The following RFX8 variants were observed in gnomAD, a reference collection of about 807,000 sequenced individuals.
RFX8 encodes the protein DNA-binding protein RFX8.
In RFX8, 46 loss-of-function variants were observed where a neutral mutation model predicts 54.6. The ratio of observed to expected loss-of-function variants is 0.84; its 90% CI spans 0.67 to 1.08. The LOEUF is 1.08. Among genes scored for constraint, RFX8 ranks in the 50% least tolerant of loss-of-function variants. The pLI, the probability that RFX8 is intolerant of heterozygous loss-of-function variation, is 0.00. For synonymous variants in RFX8, 192 were observed against 209.5 expected, an observed-to-expected ratio of 0.92 and a Z score of 0.72; for missense variants, 536 against 562.3, an observed-to-expected ratio of 0.95 and a Z score of 0.47.
chr2:101,443,928 T>C (rs941786355), intron 2 of RFX8, among the ~76,000 whole-genome samples: 6 of 152,042 alleles, frequency 3.9e-5, no homozygotes, highest in Admixed American at 1.3e-4. Flanking sequence ...CCACGCTCCA[T>C]ACACCCACAC....
intron 2 of RFX8, among the ~76,000 whole-genome samples, chr2:101,462,994 A>G (rs1347136144): frequency 6.6e-6 from 1 of 152,198 alleles, no homozygotes; most frequent in Non-Finnish European, 1.5e-5. Flanking sequence ...TGGCCCAAAG[A>G]GGAGACAAAA....
chr2:101,431,486 T>C (rs1687486897), intron 2 of RFX8, among the ~76,000 whole-genome samples: 1 of 152,232 alleles, frequency 6.6e-6, no homozygotes, highest in African/African-American at 2.4e-5. Context: ...CTGGTTGGTG[T>C]TCATCACATC....
At chr2:101,447,792 C>T (rs4851445) in intron 2 of RFX8, among the ~76,000 whole-genome samples, 115,156 of 152,118 alleles carry the variant, frequency 0.76, 44,528 homozygotes, top group Middle Eastern at 0.88. Flanking sequence ...CCTCTGGTAA[C>T]CACTATTCTA....
At chr2:101,417,715 C>A in intron 5 of RFX8, 31 bp from the exon 6 acceptor site, 1 of 1,526,476 alleles carries the variant, frequency 6.6e-7, no homozygotes. Context: ...CACTATGATT[C>A]TGCTGATGGT....
At chr2:101,439,036 C>T (rs1056377850) in intron 2 of RFX8, among the ~76,000 whole-genome samples, 1 of 152,188 alleles carries the variant, frequency 6.6e-6, no homozygotes. Context: ...TGGTCTTGAA[C>T]TCCTGACCTC....
rs549298220 is a variant in RFX8, at chr2:101,418,328, A to T, written c.351+523T>A. Among the ~76,000 whole-genome samples the T allele has an allele frequency of 2.6e-5, 4 of 152,332 alleles. 1 individual carries two copies. The highest frequency in any genetic ancestry group is 3.9e-4 in the East Asian group (2 of 5,186). On this transcript the variant is annotated intron_variant, in intron 5 of 11. Transcript: ENST00000428343. ...TCTAGTTTTCAAACTTTGTGTTAAA[A>T]ACTTGGAAGTACTAGATGGTTTCCT...
intron 9 of RFX8, among the ~76,000 whole-genome samples, chr2:101,409,347 C>T (rs1454933432): frequency 6.6e-6 from 1 of 152,056 alleles, no homozygotes; most frequent in African/African-American, 2.4e-5. Flanking sequence ...CTCAGCCTCC[C>T]GAGTAGCTGG....
At chr2:101,397,908 G>A (rs1449823816) in intron 11 of RFX8, among the ~76,000 whole-genome samples, 184 bp from the exon 12 acceptor site, 2 of 152,032 alleles carry the variant, frequency 1.3e-5, no homozygotes, top group Non-Finnish European at 2.9e-5. Context: ...ACCCAGGCTG[G>A]AGTGCCATGG....
intron 2 of RFX8, among the ~76,000 whole-genome samples, chr2:101,461,840 C>T (rs1689299390): frequency 6.6e-6 from 1 of 152,046 alleles, no homozygotes; most frequent in South Asian, 2.1e-4. Context: ...ATACACATGA[C>T]CAAAGCGCAC....
At chr2:101,474,463 C>T (rs1254929605) in intron 1 of RFX8, 173 bp downstream of exon 1, 1 of 354,314 alleles carries the variant, frequency 2.8e-6, no homozygotes, top group Non-Finnish European at 5.0e-6. Flanking sequence ...GGAAGGCGCG[C>T]GGCGAGTACG....
chr2:101,444,966 A>G (rs1305344626), intron 2 of RFX8, among the ~76,000 whole-genome samples: 1 of 152,218 alleles, frequency 6.6e-6, no homozygotes, highest in Non-Finnish European at 1.5e-5. Context: ...CCTGCCTAAG[A>G]TCACACAGCT....
At chr2:101,402,833 T>TG in intron 10 of RFX8, 81 bp from the exon 11 acceptor site, 2 of 1,276,368 alleles carry the variant, frequency 1.6e-6, no homozygotes, top group Admixed American at 4.5e-5. Context: ...ACAACTTTTC[T>TG]GGGGCTAACA....
At chr2:101,419,737 AG>A (rs1169260831) in intron 4 of RFX8, among the ~76,000 whole-genome samples, 1 of 152,230 alleles carries the variant, frequency 6.6e-6, no homozygotes, top group Non-Finnish European at 1.5e-5. Context: ...CATGGAAGTT[AG>A]GGTCAACTCC....
chr2:101,404,245 G>A (rs923432880), intron 10 of RFX8, among the ~76,000 whole-genome samples: 38 of 152,182 alleles, frequency 2.5e-4, no homozygotes, highest in African/African-American at 7.5e-4. Context: ...CTGGGTGAGA[G>A]ATCATTGCCC....
chr2:101,405,889 T>C, intron 10 of RFX8, 54 bp downstream of exon 10: 1 of 1,129,284 alleles, frequency 8.9e-7, no homozygotes, highest in Admixed American at 2.6e-5. Context: ...ACTTATGCCA[T>C]AATGACATTT....
chr2:101,449,582 G>A (rs1408973955), intron 2 of RFX8, among the ~76,000 whole-genome samples: 1 of 152,156 alleles, frequency 6.6e-6, no homozygotes, highest in Non-Finnish European at 1.5e-5. Context: ...TCAAGGGGCA[G>A]AGACAATCTG....
At chr2:101,407,817 C>T (rs903923796) in intron 9 of RFX8, among the ~76,000 whole-genome samples, 2 of 152,212 alleles carry the variant, frequency 1.3e-5, no homozygotes, top group Admixed American at 6.5e-5. Flanking sequence ...GAGCTTTCTT[C>T]CCGTCACGTC....
chr2:101,425,726 A>G (rs958902425), intron 2 of RFX8, among the ~76,000 whole-genome samples: 15 of 152,230 alleles, frequency 9.9e-5, no homozygotes, highest in Non-Finnish European at 1.8e-4. Flanking sequence ...TTCACAAACA[A>G]TATTTTTAAA....
chr2:101,409,602 C>T (rs1345386827), intron 9 of RFX8, among the ~76,000 whole-genome samples: 4 of 150,614 alleles, frequency 2.7e-5, no homozygotes, highest in East Asian at 3.9e-4. Flanking sequence ...TGGGTTCAAG[C>T]GATTCTCCTG....
Sources: allele counts gnomAD v4.1 joint callset (sites outside exome capture counted in the v4.1 genomes callset), GRCh38; gene constraint gnomAD v4.1.1; transcripts MANE v1.5; gene names NCBI Gene and HGNC (gene_info 2026-07-23, HGNC 2026-07-21).